The following GATAD1 variants were observed in gnomAD, a reference collection of about 807,000 sequenced individuals.
GATAD1 encodes the protein GATA zinc finger domain-containing protein 1.
GATAD1 carries 12 observed loss-of-function variants against 26.5 expected under a neutral mutation model. The ratio of observed to expected loss-of-function variants is 0.45; its 90% confidence interval spans 0.29 to 0.73. GATAD1 has a LOEUF of 0.73. Among genes scored for constraint, GATAD1 ranks in the 30% least tolerant of loss-of-function variants. The pLI is 0.10. For synonymous variants in GATAD1, 129 were observed against 133.1 expected (o/e 0.97, Z 0.21); for missense variants, 266 against 342.1 (o/e 0.78, Z 1.75).
In GATAD1 at chr7:92,456,305, T is replaced by G; in HGVS notation, c.620-67T>G. On this transcript the variant is annotated intron_variant, in intron 4 of 4. Coordinates refer to ENST00000287957, the MANE Select transcript of GATAD1 (RefSeq NM_021167.5). ...GGTCTCTCCCAGTGTCTAGAAATTT[T>G]AACATCTTATGAAAATGATATATAT... 4.6e-6 allele frequency: 5 copies of G among 1,098,156 alleles called. No homozygotes were observed. In the South Asian group the frequency reaches 8.0e-5, roughly 18 times the overall value. The allele number at this position is 1,098,156 out of a possible 1,614,324, so 68.0% of individuals were successfully genotyped here. A position where few individuals can be genotyped will look rare whatever the true frequency, so the allele number is the denominator to read the frequency against.
intron 1 of GATAD1, among the ~76,000 whole-genome samples, chr7:92,448,271 C>A (rs1789256535): frequency 2.0e-5 from 3 of 152,204 alleles, no homozygotes; most frequent in Admixed American, 2.0e-4. Context: ...AGGCGCTGGA[C>A]CTCATTCCTT....
chr7:92,476,143 A>C, the GATAD1 span, among the ~76,000 whole-genome samples: 1 of 152,210 alleles, frequency 6.6e-6, no homozygotes, highest in Non-Finnish European at 1.5e-5. Flanking sequence ...CCGTTAGGAA[A>C]TCTGCTGGGT....
At chr7:92,468,917 G>C in the GATAD1 span, 2 of 764,080 alleles carry the variant, frequency 2.6e-6, no homozygotes, top group South Asian at 2.7e-5. Context: ...TGCATCTTGG[G>C]CTCCATTTGT....
chr7:92,456,133 G>T (rs1789660482), intron 4 of GATAD1, among the ~76,000 whole-genome samples: 1 of 152,134 alleles, frequency 6.6e-6, no homozygotes, highest in African/African-American at 2.4e-5. Flanking sequence ...AGAGCAGTGT[G>T]GGTACAAAAT....
chr7:92,491,182 T>TG, the GATAD1 span: 1 of 862,084 alleles, frequency 1.2e-6, no homozygotes, highest in Non-Finnish European at 2.0e-6. Flanking sequence ...GAAGAATATG[T>TG]GGGGCTGGTT....
downstream of GATAD1, among the ~76,000 whole-genome samples, chr7:92,462,023 A>T (rs1478780990): frequency 1.3e-5 from 2 of 152,224 alleles, no homozygotes; most frequent in African/African-American, 4.8e-5. Flanking sequence ...GCCAATGTAA[A>T]TTAACATAGC....
At chr7:92,463,251 G>T (rs1351451556), downstream of GATAD1, among the ~76,000 whole-genome samples, 1 of 152,150 alleles carries the variant, frequency 6.6e-6, no homozygotes, top group Non-Finnish European at 1.5e-5. Flanking sequence ...GGTATTGTGG[G>T]TACAAATTTT....
At chr7:92,473,881 C>G in the GATAD1 span, among the ~76,000 whole-genome samples, 8 of 152,232 alleles carry the variant, frequency 5.3e-5, no homozygotes, top group East Asian at 1.5e-3. Flanking sequence ...CCCAGGCACC[C>G]TCAGTCCTGC....
the GATAD1 span, chr7:92,472,430 AGT>A: frequency 2.6e-5 from 4 of 152,226 alleles, no homozygotes; most frequent in Non-Finnish European, 4.4e-5. Context: ...CAATTTCCTT[AGT>A]CAGGTATGCC....
the GATAD1 span, among the ~76,000 whole-genome samples, chr7:92,479,347 T>G: frequency 6.6e-6 from 1 of 151,360 alleles, no homozygotes; most frequent in African/African-American, 2.4e-5. Context: ...GGGTGGGTAG[T>G]GGAGGGGCAG....
rs758612559 is a variant in GATAD1 at position 92,454,642 on chromosome 7, C to A, written c.576C>A (p.Leu192=). 1.2e-6 allele frequency: 2 copies of A among 1,609,126 alleles called. No individual in the cohort carries two copies. The highest frequency in any genetic ancestry group is 2.2e-5 in the East Asian group (1 of 44,728). The part of the protein sequence containing the change: ...SAALTWLIPT[L]SSPRDQFDPA... Reference sequence around the variant, plus strand: ...CACTGACGTGGCTCATTCCTACCCTCTCTAGCCCCAGAGACCAATTTGATC... The same window carrying A: ...CACTGACGTGGCTCATTCCTACCCTATCTAGCCCCAGAGACCAATTTGATC... Residue 192 remains leucine, a synonymous_variant, in exon 4 of 5, where the codon CTC becomes CTA. Coordinates refer to ENST00000287957, the MANE Select transcript of GATAD1 (RefSeq NM_021167.5).
the GATAD1 span, among the ~76,000 whole-genome samples, chr7:92,483,759 C>A: frequency 6.6e-6 from 1 of 152,152 alleles, no homozygotes; most frequent in African/African-American, 2.4e-5. Flanking sequence ...GAGGGCTAGT[C>A]ACAGAACGAA....
At chr7:92,489,489 G>A in the GATAD1 span, 1 of 1,388,228 alleles carries the variant, frequency 7.2e-7, no homozygotes, top group Non-Finnish European at 1.0e-6. Flanking sequence ...TGGTAGTCCA[G>A]TTGTTACTTC....
Position 92,447,885 on chromosome 7 carries a change from T to A in GATAD1, c.156T>A (p.Thr52=), listed in dbSNP as rs1354851656. ...CAGGCTCGGGGGCGGCTGGAGGGAC[T>A]GGGGGCAGCGGCGGCGGCGGCTTCG... ...GGAGSGAAGG[T]GGSGGGGFGA... The change falls in exon 1 of 5, where the codon ACT becomes ACA. Residue 52 remains threonine, a synonymous_variant. Transcript: ENST00000287957. The A allele has an allele frequency of 4.7e-6, 6 of 1,286,280 alleles. No individual in the cohort carries two copies. In the African/African-American group the frequency reaches 9.4e-5, roughly 20 times the overall value. 79.7% of individuals were successfully genotyped at this position (1,286,280 alleles called of 1,614,324 possible). A position where few individuals can be genotyped will look rare whatever the true frequency, so the allele number is the denominator to read the frequency against.
rs893628382 is a variant in GATAD1 at position 92,447,482 on chromosome 7, C to T, written c.-248C>T. On this transcript the variant is annotated 5_prime_UTR_variant, in exon 1 of 5. Transcript: ENST00000287957. ...CGTCCCCCCCACCCCGGCCAGATCC[C>T]TTTCCCAGTCCTGCTTCCCAGTGCC... is the stretch of plus-strand genomic sequence containing the variant. The T allele has an allele frequency of 9.6e-6, 3 of 311,342 alleles. No homozygotes were observed. Among genetic ancestry groups the T allele is most frequent in the Non-Finnish European group, 1.7e-5 (3 of 174,242 alleles). The allele number at this position is 311,342 out of a possible 1,614,324, so 19.3% of individuals were successfully genotyped here.
the GATAD1 span, chr7:92,472,016 T>G: frequency 3.3e-5 from 5 of 152,208 alleles, no homozygotes; most frequent in Non-Finnish European, 5.9e-5. Context: ...ACCCCACTTT[T>G]CGAAGTCCTT....
the GATAD1 span, among the ~76,000 whole-genome samples, chr7:92,485,886 G>T: frequency 6.6e-6 from 1 of 152,222 alleles, no homozygotes; most frequent in African/African-American, 2.4e-5. Context: ...TGGGTATGAG[G>T]TCTGGAGGAA....
At chr7:92,481,633 G>A in the GATAD1 span, among the ~76,000 whole-genome samples, 1 of 152,216 alleles carries the variant, frequency 6.6e-6, no homozygotes, top group African/African-American at 2.4e-5. Flanking sequence ...AAAAGGGTTG[G>A]GATGAGACAG....
chr7:92,479,193 T>C, the GATAD1 span, among the ~76,000 whole-genome samples: 1 of 152,210 alleles, frequency 6.6e-6, no homozygotes, highest in South Asian at 2.1e-4. Context: ...TCCGTGTTGT[T>C]GTCACCCCCG....
Sources: allele counts gnomAD v4.1 joint callset (sites outside exome capture counted in the v4.1 genomes callset), GRCh38; gene constraint gnomAD v4.1.1; transcripts MANE v1.5; gene names NCBI Gene and HGNC (gene_info 2026-07-23, HGNC 2026-07-21).